MAGI2: variants seen among roughly 807,000 people sequenced by gnomAD.
The protein encoded by MAGI2 is membrane associated guanylate kinase, WW and PDZ domain containing 2.
A neutral mutation model predicts 133.3 loss-of-function variants in MAGI2; 35 were observed. The ratio of observed to expected loss-of-function variants is 0.26; its 90% CI spans 0.20 to 0.35. The LOEUF is 0.35. Among genes scored for constraint, MAGI2 ranks in the 10% least tolerant of loss-of-function variants. The pLI, the probability that MAGI2 is intolerant of heterozygous loss-of-function variation, is 1.00. For missense variants in MAGI2, 1,636 were observed against 1,863.4 expected, an observed-to-expected ratio of 0.88 and a Z score of 2.25; for synonymous variants, 729 against 710.6, an observed-to-expected ratio of 1.03 and a Z score of -0.41.
intron 6 of MAGI2, among the ~76,000 whole-genome samples, chr7:78,461,383 C>CGTGTGTGCGTGTGT (rs1487666561): frequency 1.1e-5 from 1 of 92,658 alleles, no homozygotes; most frequent in African/African-American, 4.6e-5. Flanking sequence ...TTCCTGGACA[C>CGTGTGTGCGTGTGT]GTGTGTGTGC....
intron 2 of MAGI2, among the ~76,000 whole-genome samples, chr7:78,972,674 A>T (rs1803888043): frequency 6.6e-6 from 1 of 151,848 alleles, no homozygotes; most frequent in South Asian, 2.1e-4. Flanking sequence ...GGCACAGATA[A>T]TTGTAATTGA....
chr7:78,232,414 T>C (rs962978046), intron 10 of MAGI2, among the ~76,000 whole-genome samples: 1 of 152,234 alleles, frequency 6.6e-6, no homozygotes, highest in African/African-American at 2.4e-5. Context: ...ATTCATGTTT[T>C]ACAATACATG....
At chr7:79,170,775 T>C (rs185245846) in intron 1 of MAGI2, among the ~76,000 whole-genome samples, 24 of 152,188 alleles carry the variant, frequency 1.6e-4, no homozygotes, top group Non-Finnish European at 2.4e-4. Flanking sequence ...GCAGGTCAGC[T>C]GGGATAAGGG....
chr7:78,759,960 C>A (rs1446084813), intron 2 of MAGI2, among the ~76,000 whole-genome samples: 1 of 151,934 alleles, frequency 6.6e-6, no homozygotes, highest in Non-Finnish European at 1.5e-5. Context: ...ACTAAAAATA[C>A]AAAAATTAGC....
At chr7:78,236,854 G>T (rs1049504228) in intron 10 of MAGI2, among the ~76,000 whole-genome samples, 1 of 152,136 alleles carries the variant, frequency 6.6e-6, no homozygotes, top group Non-Finnish European at 1.5e-5. Context: ...GTTTCACATG[G>T]CTGGGGAGCT....
Position 78,752,332 on chromosome 7 carries a change from G to C in MAGI2, c.419-125093C>G, listed in dbSNP as rs373913926. ...ATCATGGTCACAGAGGCTGGGCTTG[G>C]TGGCTCATGCCTGTAATCCCAGCAC... On this transcript the variant is annotated intron_variant, in intron 2 of 21. Transcript: ENST00000354212. Among the ~76,000 whole-genome samples the C allele has an allele frequency of 1.6e-4, 25 of 152,284 alleles. 1 individual carries two copies. Among genetic ancestry groups the C allele is most frequent in the African/African-American group, 5.8e-4 (24 of 41,552 alleles).
chr7:78,761,987 A>G (rs935492035), intron 2 of MAGI2, among the ~76,000 whole-genome samples: 1 of 151,818 alleles, frequency 6.6e-6, no homozygotes, highest in Non-Finnish European at 1.5e-5. Context: ...TGAGGCATGG[A>G]CTCTATCCGG....
intron 2 of MAGI2, among the ~76,000 whole-genome samples, chr7:78,791,269 T>A (rs758739080): frequency 5.3e-5 from 8 of 152,068 alleles, no homozygotes; most frequent in Non-Finnish European, 1.0e-4. Context: ...GAAATGCAAA[T>A]CAAAACAAGA....
chr7:78,445,452 C>G (rs938476177), intron 6 of MAGI2, among the ~76,000 whole-genome samples: 1 of 151,970 alleles, frequency 6.6e-6, no homozygotes, highest in African/African-American at 2.4e-5. Context: ...GTGCTGTATA[C>G]TTGTTTGAGA....
At chr7:78,225,356 A>T (rs1789272494) in intron 10 of MAGI2, among the ~76,000 whole-genome samples, 1 of 148,828 alleles carries the variant, frequency 6.7e-6, no homozygotes, top group African/African-American at 2.5e-5. Context: ...TTTATAGATA[A>T]TTTTTTTTTT....
At chr7:79,195,958 G>A (rs1828045093) in intron 1 of MAGI2, among the ~76,000 whole-genome samples, 1 of 151,988 alleles carries the variant, frequency 6.6e-6, no homozygotes, top group Admixed American at 6.6e-5. Context: ...ACCAAGGGCT[G>A]AAGTGGTTGG....
At chr7:78,883,313 T>A (rs1418694889) in intron 2 of MAGI2, among the ~76,000 whole-genome samples, 2 of 151,756 alleles carry the variant, frequency 1.3e-5, no homozygotes, top group African/African-American at 4.8e-5. Context: ...AAGGAATACA[T>A]GTAACCAAGG....
At chr7:79,235,401 C>T (rs1044834148) in intron 1 of MAGI2, among the ~76,000 whole-genome samples, 22 of 151,878 alleles carry the variant, frequency 1.4e-4, no homozygotes, top group South Asian at 2.1e-4. Flanking sequence ...GCCTCGCTGC[C>T]GCCTTGCAGT....
intron 20 of MAGI2, among the ~76,000 whole-genome samples, chr7:78,095,743 G>A (rs1348785266): frequency 6.6e-6 from 1 of 152,160 alleles, no homozygotes; most frequent in Non-Finnish European, 1.5e-5. Flanking sequence ...GCTCCCAACA[G>A]TCACCACAAG....
chr7:79,380,183 A>T (rs848941), intron 1 of MAGI2, among the ~76,000 whole-genome samples: 104,702 of 151,562 alleles, frequency 0.69, 38,363 homozygotes, highest in East Asian at 0.99. Context: ...TGCACAGCAA[A>T]AGAAACTACC....
chr7:78,196,820 T>C (rs1385168653), intron 11 of MAGI2, among the ~76,000 whole-genome samples: 1 of 152,252 alleles, frequency 6.6e-6, no homozygotes, highest in Non-Finnish European at 1.5e-5. Flanking sequence ...AGATCTCATT[T>C]GAACAAAGTT....
At chr7:78,154,783 G>T (rs1419854992) in intron 16 of MAGI2, among the ~76,000 whole-genome samples, 1 of 152,184 alleles carries the variant, frequency 6.6e-6, no homozygotes, top group Non-Finnish European at 1.5e-5. Flanking sequence ...TGTTAAGGAG[G>T]TAGGAAGCAC....
At chr7:78,426,780 G>A (rs547963659) in intron 6 of MAGI2, among the ~76,000 whole-genome samples, 3 of 152,130 alleles carry the variant, frequency 2.0e-5, no homozygotes, top group Non-Finnish European at 4.4e-5. Context: ...AAAGTTCATT[G>A]GATCCCAGGC....
chr7:78,419,473 C>G lies in MAGI2; in HGVS notation c.1046-50260G>C, dbSNP rs148558842. ...CTGGGATGGGGTAACATCATAGCAA[C>G]TCTACCCACCCAAATCTTTGATCAA... is the stretch of plus-strand genomic sequence containing the variant. On this transcript the variant is annotated intron_variant, in intron 6 of 21. Coordinates refer to ENST00000354212, the MANE Select transcript of MAGI2 (RefSeq NM_012301.4). Among the ~76,000 whole-genome samples the G allele has an allele frequency of 2.0e-4, 30 of 152,118 alleles. No individual in the cohort carries two copies. In the East Asian group the frequency reaches 5.4e-3, roughly 28 times the overall value.
Sources: gnomAD v4.1 joint callset for allele counts (sites outside exome capture counted in the v4.1 genomes callset) on GRCh38, gnomAD v4.1.1 for gene constraint, MANE v1.5 for transcripts, NCBI Gene and HGNC (gene_info 2026-07-23, HGNC 2026-07-21) for gene names.